The following IQCE variants were observed in gnomAD, a reference collection of about 807,000 sequenced individuals.
The protein encoded by IQCE is IQ domain-containing protein E.
Under a neutral mutation model 96.0 loss-of-function variants are expected in IQCE, and 115 were observed. The ratio of observed to expected loss-of-function variants is 1.20; its 90% CI spans 1.03 to 1.40. IQCE has a LOEUF of 1.40. IQCE is among the 40% of genes most tolerant of loss of function. The pLI, the probability that IQCE is intolerant of heterozygous loss-of-function variation, is 0.00. For missense variants in IQCE, 1,041 were observed against 909.1 expected (o/e 1.15, Z -1.87); for synonymous variants, 412 against 371.2 (o/e 1.11, Z -1.26).
At chr7:2,583,514 C>A in intron 9 of IQCE, 123 bp from the exon 10 acceptor site, 3 of 496,598 alleles carry the variant, frequency 6.0e-6, no homozygotes, top group East Asian at 4.9e-5. Flanking sequence ...TCAGGCTTTT[C>A]CCTCCCATCC....
rs2304538 is a variant in IQCE at position 2,594,796 on chromosome 7, C to T, written c.1350-90C>T. The stretch of plus-strand genomic sequence containing the variant: ...AGGCTGCCTGGTGTCCCCCTGTCTC[C>T]GCCTGGACCGCCCGCCCCACCCTGC... On this transcript the variant is annotated intron_variant, in intron 15 of 21. Coordinates refer to ENST00000402050, the MANE Select transcript of IQCE (RefSeq NM_152558.5). The T allele has an allele frequency of 4.8e-3, 4,397 of 907,294 alleles. 82 individuals carry two copies. The East Asian group carries it at 0.051, about 10-fold the overall frequency. The allele number at this position is 907,294 out of a possible 1,614,324, so 56.2% of individuals were successfully genotyped here.
chr7:2,596,830 T>G (rs1784074275), intron 16 of IQCE: 2 of 398,780 alleles, frequency 5.0e-6, no homozygotes, highest in Non-Finnish European at 1.1e-5. Context: ...GAGGCTCTTC[T>G]TAGGGTTACA....
At chr7:2,577,461 C>T (rs1317920895) in intron 6 of IQCE, among the ~76,000 whole-genome samples, 8 of 50,702 alleles carry the variant, frequency 1.6e-4, no homozygotes, top group Non-Finnish European at 2.3e-4. Context: ...GCTGTGCGCG[C>T]GGGGACTGTG....
chr7:2,586,949 C>T (rs552120146), intron 12 of IQCE, among the ~76,000 whole-genome samples: 22 of 152,212 alleles, frequency 1.4e-4, no homozygotes, highest in African/African-American at 3.1e-4. Context: ...TGCTGCTTCC[C>T]GAGGCCCCCT....
intron 14 of IQCE, 30 bp from the exon 15 acceptor site, chr7:2,592,992 C>G (rs373912473): frequency 1.3e-6 from 2 of 1,567,774 alleles, no homozygotes; most frequent in South Asian, 2.3e-5. Flanking sequence ...TTTTTGTGAA[C>G]GCTGACGAGT....
chr7:2,605,364 T>A (rs1348604980), intron 19 of IQCE, among the ~76,000 whole-genome samples: 1 of 152,142 alleles, frequency 6.6e-6, no homozygotes, highest in East Asian at 1.9e-4. Context: ...CTCACACCTG[T>A]AATCCCAGCA....
chr7:2,597,184 C>T (rs771888933), intron 16 of IQCE: 6 of 463,950 alleles, frequency 1.3e-5, no homozygotes, highest in South Asian at 7.8e-5. Flanking sequence ...TGAAGAATTT[C>T]AGCAGGATCT....
At chr7:2,606,990 G>A in intron 20 of IQCE, 134 bp from the exon 21 acceptor site, 1 of 775,280 alleles carries the variant, frequency 1.3e-6, no homozygotes, top group Non-Finnish European at 2.0e-6. Context: ...CTGGTCGTGG[G>A]GCTCGGGACT....
At chr7:2,599,524 T>C (rs1377786963) in intron 17 of IQCE, among the ~76,000 whole-genome samples, 2 of 151,662 alleles carry the variant, frequency 1.3e-5, no homozygotes, top group African/African-American at 4.9e-5. Flanking sequence ...AGAGACAGGG[T>C]CTCACTCCAT....
At chr7:2,564,856 G>T (rs1240920356) in intron 1 of IQCE, among the ~76,000 whole-genome samples, 1 of 152,136 alleles carries the variant, frequency 6.6e-6, no homozygotes, top group Non-Finnish European at 1.5e-5. Flanking sequence ...TTGATCTTCT[G>T]CCTCGCTCTC....
intron 2 of IQCE, among the ~76,000 whole-genome samples, chr7:2,567,979 A>G (rs911528169): frequency 2.0e-5 from 3 of 151,938 alleles, no homozygotes; most frequent in South Asian, 2.1e-4. Context: ...TTGGGGCTCA[A>G]TGTTTCTGCT....
In IQCE at chr7:2,592,880, A is replaced by G. The variant is rs1231300944; in HGVS notation, c.1245-142A>G. The G allele has an allele frequency of 8.5e-6, 7 of 825,896 alleles. No homozygotes were observed. The African/African-American group carries it at 1.0e-4, about 12-fold the overall frequency. 51.2% of individuals were successfully genotyped at this position (825,896 alleles called of 1,614,324 possible). Reference sequence around the variant, plus strand: ...TGTCCTTGGCAATGTGTGATTAGAAATGGGCCTTTTGTGCTCCTCCTGCCC... The same window carrying G: ...TGTCCTTGGCAATGTGTGATTAGAAGTGGGCCTTTTGTGCTCCTCCTGCCC... On this transcript the variant is annotated intron_variant, in intron 14 of 21. Coordinates refer to ENST00000402050, the MANE Select transcript of IQCE (RefSeq NM_152558.5).
chr7:2,605,659 A>AATAAATAAATAAATAG (rs1192283824), intron 19 of IQCE, among the ~76,000 whole-genome samples: 1 of 149,494 alleles, frequency 6.7e-6, no homozygotes, highest in Non-Finnish European at 1.5e-5. Flanking sequence ...TAAATAAATA[A>AATAAATAAATAAATAG]ATAAATAGAT....
chr7:2,607,313 G>A, intron 21 of IQCE, 86 bp downstream of exon 21: 4 of 1,578,384 alleles, frequency 2.5e-6, no homozygotes, highest in Middle Eastern at 3.4e-4. Flanking sequence ...AGGAAGCCCG[G>A]GCTGTGTCGG....
At chr7:2,577,237 T>C (rs542531887) in intron 6 of IQCE, among the ~76,000 whole-genome samples, 2 of 150,414 alleles carry the variant, frequency 1.3e-5, no homozygotes, top group South Asian at 2.1e-4. Context: ...TGTGCAGTGG[T>C]GTGTGCATGG....
At position 2,567,114 on chromosome 7, in the gene IQCE, A is replaced by C; in HGVS notation, c.37-2A>C. ...TTACAGTGTTTGCCTCTCTTCCTCC[A>C]GGGAGATGACAGTCTGTCTGCAGTC... On this transcript the variant is annotated splice_acceptor_variant, in intron 1 of 21. Transcript: ENST00000402050. LOFTEE classifies it high-confidence loss of function. 6.2e-7 allele frequency: 1 copy of C among 1,613,612 alleles called. No homozygotes were observed. Among genetic ancestry groups the C allele is most frequent in the Non-Finnish European group, 8.5e-7 (1 of 1,179,658 alleles).
intron 21 of IQCE, among the ~76,000 whole-genome samples, chr7:2,607,943 G>A (rs548698572): frequency 5.1e-4 from 77 of 152,336 alleles, no homozygotes; most frequent in African/African-American, 1.8e-3. Flanking sequence ...TGTGGCGTGC[G>A]GGGCTGTTTC....
At chr7:2,586,818 A>C (rs1167958728) in intron 12 of IQCE, among the ~76,000 whole-genome samples, 1 of 152,158 alleles carries the variant, frequency 6.6e-6, no homozygotes, top group African/African-American at 2.4e-5. Flanking sequence ...CAGGCGGGGC[A>C]GAGCTGAGTG....
In IQCE at chr7:2,572,244, T is replaced by C. The variant is rs2917751; in HGVS notation, c.312T>C (p.Thr104=). ...CCCTCACCTGGGAGCATGCGTGGAC[T>C]GGCGTCCCCGGCGGCACTCCTGACT... ...NSPLTWEHAW[T]GVPGGTPDCL... is the part of the protein sequence containing the mutation. Residue 104 remains threonine (T), a synonymous_variant, in exon 5 of 22, where the codon ACT becomes ACC. Coordinates refer to ENST00000402050, the MANE Select transcript of IQCE (RefSeq NM_152558.5). 1,204,597 of 1,613,770 alleles carry C rather than the reference T, an allele frequency of 0.75. 452,641 individuals carry two copies. The highest frequency in any genetic ancestry group is 0.76 in the Non-Finnish European group (899,118 of 1,179,798).
Sources: allele counts gnomAD v4.1 joint callset (sites outside exome capture counted in the v4.1 genomes callset), GRCh38; gene constraint gnomAD v4.1.1; transcripts MANE v1.5; gene names NCBI Gene and HGNC (gene_info 2026-07-23, HGNC 2026-07-21).